Variants in ENTPD1 observed in about 807,000 individuals in gnomAD.
The protein encoded by ENTPD1 is ATP diphosphohydrolase.
Under a neutral mutation model 57.0 loss-of-function variants are expected in ENTPD1, and 33 were observed. The ratio of observed to expected loss-of-function variants is 0.58; its 90% CI spans 0.44 to 0.77. ENTPD1 has a LOEUF of 0.77. Ranked by LOEUF, ENTPD1 falls within the 30% of genes least tolerant of loss-of-function variation. The pLI, the probability that ENTPD1 is intolerant of heterozygous loss-of-function variation, is 0.00. For synonymous variants in ENTPD1, 202 were observed against 218.8 expected, an observed-to-expected ratio of 0.92 and a Z score of 0.68; for missense variants, 501 against 603.4, an observed-to-expected ratio of 0.83 and a Z score of 1.78.
chr10:95,871,939 T>C lies in ENTPD1; in HGVS notation c.*5556T>C. The C allele has an allele frequency of 1.0e-6, 1 of 985,392 alleles. No individual in the cohort carries two copies. The highest frequency in any genetic ancestry group is 1.2e-6 in the Non-Finnish European group (1 of 829,920). 61.0% of individuals were successfully genotyped at this position (985,392 alleles called of 1,614,324 possible). ...GAGCTAGTCAGGGAATAGTGTGTAT[T>C]TGCAATTACCTAAACTGAACTCTAC... On this transcript the variant is annotated 3_prime_UTR_variant, in exon 10 of 10. Coordinates refer to ENST00000371205, the MANE Select transcript of ENTPD1 (RefSeq NM_001776.6).
At position 95,866,699 on chromosome 10, in the gene ENTPD1, T is replaced by C. The variant is rs1301832879; in HGVS notation, c.*316T>C. 8.3e-7 allele frequency: 1 copy of C among 1,198,762 alleles called. No homozygotes were observed. The highest frequency in any genetic ancestry group is 3.8e-5 in the Admixed American group (1 of 26,290). The allele number at this position is 1,198,762 out of a possible 1,614,324, so 74.3% of individuals were successfully genotyped here. On this transcript the variant is annotated 3_prime_UTR_variant, in exon 10 of 10. Transcript: ENST00000371205. ...TGCTTTATAAAAGAACAATATTGAC[T>C]TTGTCTAGAAGAACTGAGAGTCTTG...
In ENTPD1 at chr10:95,876,622, T is replaced by C. The variant is rs1044236939; in HGVS notation, c.*10239T>C. The C allele has an allele frequency of 1.6e-6, 2 of 1,229,538 alleles. No individual in the cohort carries two copies. The highest frequency in any genetic ancestry group is 2.0e-6 in the Non-Finnish European group (2 of 986,988). The allele number at this position is 1,229,538 out of a possible 1,614,324, so 76.2% of individuals were successfully genotyped here. A position where few individuals can be genotyped will look rare whatever the true frequency, so the allele number is the denominator to read the frequency against. ...ACTCTGTCTCCTGCAGTGAAGTCTG[T>C]TTGAAGGATGTATTTGGCTGTCTTC... On this transcript the variant is annotated 3_prime_UTR_variant, in exon 10 of 10. Coordinates refer to ENST00000371205, the MANE Select transcript of ENTPD1 (RefSeq NM_001776.6).
At chr10:95,832,981 CAGCTTCTGTT>C (rs1454244143) in intron 2 of ENTPD1, among the ~76,000 whole-genome samples, 1 of 152,178 alleles carries the variant, frequency 6.6e-6, no homozygotes, top group Non-Finnish European at 1.5e-5. Context: ...GCAGGATTTC[CAGCTTCTGTT>C]AAAGGGTAAT....
intron 1 of ENTPD1, among the ~76,000 whole-genome samples, chr10:95,721,702 G>A (rs780733454): frequency 9.2e-5 from 14 of 151,402 alleles, no homozygotes; most frequent in Non-Finnish European, 1.3e-4. Flanking sequence ...AAAAAAAACC[G>A]GGATGCCATC....
chr10:95,846,988 C>T (rs1193544915), intron 6 of ENTPD1, among the ~76,000 whole-genome samples: 1 of 148,032 alleles, frequency 6.8e-6, no homozygotes, highest in Non-Finnish European at 1.5e-5. Flanking sequence ...GACTCCATCT[C>T]AAAAAAAAAA....
chr10:95,876,661 C>T lies in ENTPD1; in HGVS notation c.*10278C>T, dbSNP rs896465045. The T allele has an allele frequency of 9.8e-6, 12 of 1,226,134 alleles. No individual in the cohort carries two copies. The South Asian group carries it at 5.1e-4, about 52-fold the overall frequency. 76.0% of individuals were successfully genotyped at this position (1,226,134 alleles called of 1,614,324 possible). On this transcript the variant is annotated 3_prime_UTR_variant, in exon 10 of 10. Coordinates refer to ENST00000371205, the MANE Select transcript of ENTPD1 (RefSeq NM_001776.6). ...TTGGCTGTCTTCTGGACAGGCCATT[C>T]TAATAACAGAAACAAACAAGTTATT... is the stretch of plus-strand genomic sequence containing the variant.
At chr10:95,786,867 A>C (rs960715806) in intron 1 of ENTPD1, among the ~76,000 whole-genome samples, 2 of 152,216 alleles carry the variant, frequency 1.3e-5, no homozygotes, top group Non-Finnish European at 2.9e-5. Flanking sequence ...GCAAACCATC[A>C]CAATCATCAT....
Position 95,756,204 on chromosome 10 carries a change from G to A in ENTPD1, c.-36G>A. On this transcript the variant is annotated 5_prime_UTR_variant, in exon 1 of 10. Transcript: ENST00000371205. The stretch of plus-strand genomic sequence containing the variant: ...GCAAGCAGAGGCTGGGGGGGGGAAA[G>A]ACGAGGAAAGAGGAGGAAAACAAAA... The A allele has an allele frequency of 1.3e-6, 2 of 1,583,798 alleles. No individual in the cohort carries two copies. The highest frequency in any genetic ancestry group is 1.4e-5 in the African/African-American group (1 of 73,990).
chr10:95,771,726 G>C (rs1219895209), intron 1 of ENTPD1, among the ~76,000 whole-genome samples: 2 of 152,178 alleles, frequency 1.3e-5, no homozygotes, highest in African/African-American at 2.4e-5. Flanking sequence ...CCTTTTTCAT[G>C]AGAGAAGATG....
At chr10:95,851,474 C>G (rs903012639) in intron 7 of ENTPD1, among the ~76,000 whole-genome samples, 1 of 151,760 alleles carries the variant, frequency 6.6e-6, no homozygotes, top group African/African-American at 2.4e-5. Flanking sequence ...TACATGTACA[C>G]AACATGCAGG....
At chr10:95,751,670 G>A (rs960952679), upstream of ENTPD1, among the ~76,000 whole-genome samples, 84 of 150,438 alleles carry the variant, frequency 5.6e-4, no homozygotes, top group Middle Eastern at 3.4e-3. Context: ...AGTCAAGATC[G>A]TGCCACTGCA....
chr10:95,847,253 C>T, intron 6 of ENTPD1, 193 bp from the exon 7 acceptor site: 1 of 654,634 alleles, frequency 1.5e-6, no homozygotes, highest in East Asian at 2.8e-5. Flanking sequence ...ATATCTGATA[C>T]CACTTCTGGT....
chr10:95,865,358 T>A (rs2098472345), intron 9 of ENTPD1, among the ~76,000 whole-genome samples: 1 of 152,222 alleles, frequency 6.6e-6, no homozygotes, highest in Admixed American at 6.5e-5. Flanking sequence ...AGGCTTAGCC[T>A]GAGTCCGGAA....
At chr10:95,728,702 T>A (rs2097986271) in intron 1 of ENTPD1, among the ~76,000 whole-genome samples, 1 of 152,220 alleles carries the variant, frequency 6.6e-6, no homozygotes. Flanking sequence ...ATGATGTTCG[T>A]CACACAGTGT....
At chr10:95,756,064 A>G, upstream of ENTPD1, 2 of 1,492,316 alleles carry the variant, frequency 1.3e-6, no homozygotes, top group Non-Finnish European at 1.8e-6. Context: ...AATGAAAAAG[A>G]CAGGGTTTGA....
chr10:95,815,406 AGG>A (rs1264858796), intron 1 of ENTPD1, among the ~76,000 whole-genome samples: 1 of 152,230 alleles, frequency 6.6e-6, no homozygotes, highest in Non-Finnish European at 1.5e-5. Flanking sequence ...TCTGACTGTC[AGG>A]GATGAGATTC....
rs537461130 is a variant in ENTPD1 at position 95,792,255 on chromosome 10, A to G, written c.17-30982A>G. On this transcript the variant is annotated intron_variant, in intron 1 of 9. Transcript: ENST00000371205. The stretch of plus-strand genomic sequence containing the variant: ...CCCAGGCAAACTGGGATGGTTGGTC[A>G]CCCGAGTGCCCCATAAGACCCTGTC... Among the ~76,000 whole-genome samples, 36 of 152,308 alleles carry G rather than the reference A, an allele frequency of 2.4e-4. No individual in the cohort carries two copies. The South Asian group carries it at 7.3e-3, about 31-fold the overall frequency.
chr10:95,780,566 C>G (rs927648382), intron 1 of ENTPD1, among the ~76,000 whole-genome samples: 1 of 152,178 alleles, frequency 6.6e-6, no homozygotes, highest in African/African-American at 2.4e-5. Context: ...TCCCTTCTCC[C>G]TGTCATTGTA....
chr10:95,703,714 A>G, the ENTPD1 span, among the ~76,000 whole-genome samples: 39,756 of 146,820 alleles, frequency 0.27, 6,098 homozygotes, highest in Admixed American at 0.39. Flanking sequence ...CCCAGGAGGC[A>G]GAGATTGCAG....
Sources: gnomAD v4.1 joint callset for allele counts (sites outside exome capture counted in the v4.1 genomes callset) on GRCh38, gnomAD v4.1.1 for gene constraint, MANE v1.5 for transcripts, NCBI Gene and HGNC (gene_info 2026-07-23, HGNC 2026-07-21) for gene names.